KAZN: variants seen among roughly 807,000 people sequenced by gnomAD.
KAZN encodes kazrin, periplakin interacting protein, also known as kazrin.
KAZN carries 40 observed loss-of-function variants against 87.4 expected under a neutral mutation model. The ratio of observed to expected loss-of-function variants is 0.46; its 90% confidence interval spans 0.36 to 0.60. KAZN has a LOEUF of 0.60. KAZN is among the 20% of genes least tolerant of loss of function. The pLI is 0.00. For synonymous variants in KAZN, 466 were observed against 458.3 expected, an observed-to-expected ratio of 1.02 and a Z score of -0.22; for missense variants, 898 against 1,073.9, an observed-to-expected ratio of 0.84 and a Z score of 2.29.
At chr1:14,467,958 C>G (rs192045476) in intron 2 of KAZN, among the ~76,000 whole-genome samples, 2 of 152,132 alleles carry the variant, frequency 1.3e-5, no homozygotes, top group Non-Finnish European at 1.5e-5. Context: ...TCCAGGCCCA[C>G]GCATAAATCA....
intron 2 of KAZN, among the ~76,000 whole-genome samples, chr1:14,189,395 T>C (rs528187477): frequency 6.6e-6 from 1 of 152,290 alleles, no homozygotes; most frequent in East Asian, 1.9e-4. Context: ...GGCATAGATT[T>C]GTATCCGTGA....
At chr1:14,786,506 G>C (rs1645513505) in intron 1 of KAZN, among the ~76,000 whole-genome samples, 1 of 152,138 alleles carries the variant, frequency 6.6e-6, no homozygotes, top group Non-Finnish European at 1.5e-5. Context: ...AACCGGGCAT[G>C]GTGATTTGGC....
chr1:14,681,286 T>C (rs1640555613), intron 1 of KAZN, among the ~76,000 whole-genome samples: 1 of 152,182 alleles, frequency 6.6e-6, no homozygotes, highest in South Asian at 2.1e-4. Flanking sequence ...GATGGACACT[T>C]GGATTGTTTC....
intron 2 of KAZN, among the ~76,000 whole-genome samples, chr1:14,379,519 A>G (rs1173514992): frequency 2.0e-5 from 3 of 152,092 alleles, no homozygotes; most frequent in African/African-American, 7.2e-5. Flanking sequence ...CACTGTCCTG[A>G]AGGGTGAGTC....
At chr1:13,999,812 A>G (rs1374541633) in intron 1 of KAZN, among the ~76,000 whole-genome samples, 1 of 152,192 alleles carries the variant, frequency 6.6e-6, no homozygotes, top group Non-Finnish European at 1.5e-5. Context: ...CTAGACTAAT[A>G]AAGAAGAAAG....
intron 2 of KAZN, among the ~76,000 whole-genome samples, chr1:14,453,510 A>G (rs534337420): frequency 5.3e-5 from 8 of 152,306 alleles, no homozygotes; most frequent in African/African-American, 1.9e-4. Flanking sequence ...CTATGGATAT[A>G]ATGCCTGCTC....
intron 1 of KAZN, among the ~76,000 whole-genome samples, chr1:13,950,076 C>G (rs1193989752): frequency 6.6e-6 from 1 of 152,254 alleles, no homozygotes. Context: ...CCCCACACCC[C>G]AGGGCTGAGC....
chr1:14,980,006 A>T (rs1286757111), intron 2 of KAZN, among the ~76,000 whole-genome samples: 1 of 152,156 alleles, frequency 6.6e-6, no homozygotes. Flanking sequence ...CTCCTGTCTC[A>T]GCCTCCTGAG....
At position 15,089,732 on chromosome 1, in the gene KAZN, C is replaced by CAAA. The variant is rs56260619; in HGVS notation, c.1223-4420_1223-4418dup. 1.8e-3 allele frequency among the ~76,000 whole-genome samples: 122 copies of CAAA among 68,900 alleles called. 3 individuals carry two copies. The highest frequency in any genetic ancestry group is 2.4e-3 in the Non-Finnish European group (80 of 32,752). 45.2% of individuals were successfully genotyped at this position (68,900 alleles called of 152,430 possible). A position where few individuals can be genotyped will look rare whatever the true frequency, so the allele number is the denominator to read the frequency against. ...GACAGCAAAGGGAAGCTTTTATTGGCAAAAAAAAAAAAAAAAAAAAAAAAA... is the reference window on the plus strand; with the variant it reads ...GACAGCAAAGGGAAGCTTTTATTGGCAAAAAAAAAAAAAAAAAAAAAAAAAAAA... On this transcript the variant is annotated intron_variant, in intron 8 of 14. Transcript: ENST00000376030.
intron 2 of KAZN, among the ~76,000 whole-genome samples, chr1:14,319,203 G>T (rs955871621): frequency 6.6e-6 from 1 of 151,822 alleles, no homozygotes. Flanking sequence ...TCTGGGGGGT[G>T]GCAGTTAATT....
intron 2 of KAZN, among the ~76,000 whole-genome samples, chr1:14,224,256 A>G (rs1647183330): frequency 6.6e-6 from 1 of 152,194 alleles, no homozygotes; most frequent in Admixed American, 6.5e-5. Context: ...TCAAGGGCAA[A>G]TGAAAGCCTG....
chr1:14,251,643 C>T (rs1207309835), intron 2 of KAZN, among the ~76,000 whole-genome samples: 41 of 90,324 alleles, frequency 4.5e-4, no homozygotes, highest in East Asian at 9.3e-4. Context: ...TTCTCCCGGA[C>T]TTTTTTTTTT....
At chr1:14,894,912 C>T (rs1463924379) in intron 1 of KAZN, among the ~76,000 whole-genome samples, 2 of 152,258 alleles carry the variant, frequency 1.3e-5, no homozygotes, top group African/African-American at 4.8e-5. Flanking sequence ...TTTGCCGGTC[C>T]AGCCAGCCTC....
chr1:14,374,489 T>C (rs1660746494), intron 2 of KAZN, among the ~76,000 whole-genome samples: 1 of 152,224 alleles, frequency 6.6e-6, no homozygotes, highest in South Asian at 2.1e-4. Context: ...TCATCTTGAA[T>C]ACTCACCAGT....
chr1:14,387,543 C>T (rs1662035081), intron 2 of KAZN, among the ~76,000 whole-genome samples: 1 of 152,162 alleles, frequency 6.6e-6, no homozygotes, highest in African/African-American at 2.4e-5. Flanking sequence ...ACAGGACCCT[C>T]AGCTGCAGGT....
chr1:14,824,910 G>A lies in KAZN; in HGVS notation c.227-135774G>A, dbSNP rs1646840372. On this transcript the variant is annotated intron_variant, in intron 1 of 14. Transcript: ENST00000376030. The stretch of plus-strand genomic sequence containing the variant: ...GTGTCCCTTCTAGGCTCTACATTTA[G>A]TGGCCTCTTGGGGGAAGACTCTTCT... Among the ~76,000 whole-genome samples the A allele has an allele frequency of 3.3e-5, 5 of 152,226 alleles. No homozygotes were observed. The South Asian group carries it at 1.0e-3, about 31-fold the overall frequency.
At chr1:14,017,188 G>A in intron 1 of KAZN, among the ~76,000 whole-genome samples, 1 of 152,232 alleles carries the variant, frequency 6.6e-6, no homozygotes, top group Non-Finnish European at 1.5e-5. Context: ...CCAATTCGAG[G>A]TAGAGGCTTG....
chr1:14,658,097 T>C (rs542277123), intron 1 of KAZN, among the ~76,000 whole-genome samples: 3 of 152,272 alleles, frequency 2.0e-5, no homozygotes, highest in South Asian at 4.1e-4. Flanking sequence ...TAGCGACCTG[T>C]GTGCAGTAGG....
At chr1:14,922,218 C>T (rs1658600542) in intron 1 of KAZN, among the ~76,000 whole-genome samples, 1 of 152,208 alleles carries the variant, frequency 6.6e-6, no homozygotes, top group Non-Finnish European at 1.5e-5. Context: ...GTAGCCCCTG[C>T]TCAACCCAGC....
Sources: allele counts gnomAD v4.1 joint callset (sites outside exome capture counted in the v4.1 genomes callset), GRCh38; gene constraint gnomAD v4.1.1; transcripts MANE v1.5; gene names NCBI Gene and HGNC (gene_info 2026-07-23, HGNC 2026-07-21).